Variants in NRXN1 observed in about 807,000 individuals in gnomAD.
NRXN1 encodes the protein neurexin-1.
NRXN1 carries 39 observed loss-of-function variants against 150.9 expected under a neutral mutation model. The observed-to-expected ratio is 0.26, with a 90% CI of 0.20 to 0.34. The LOEUF (loss-of-function observed/expected upper bound fraction) is 0.34, where lower values mean the gene tolerates loss of function less well. Among genes scored for constraint, NRXN1 ranks in the 10% least tolerant of loss-of-function variants. The pLI is 1.00. For missense variants in NRXN1, 1,815 were observed against 1,949.9 expected, an observed-to-expected ratio of 0.93 and a Z score of 1.30; for synonymous variants, 924 against 757.0, an observed-to-expected ratio of 1.22 and a Z score of -3.62.
chr2:50,743,565 GAA>G (rs1472792496), intron 5 of NRXN1, among the ~76,000 whole-genome samples: 1 of 152,086 alleles, frequency 6.6e-6, no homozygotes, highest in Non-Finnish European at 1.5e-5. Flanking sequence ...TTGTTTTCCA[GAA>G]ATCCAATGAG....
In NRXN1 at chr2:50,757,789, C is replaced by T. The variant is rs536603693; in HGVS notation, c.833-134174G>A. 3.3e-5 allele frequency among the ~76,000 whole-genome samples: 5 copies of T among 151,546 alleles called. 1 individual carries two copies. The South Asian group carries it at 8.3e-4, about 25-fold the overall frequency. On this transcript the variant is annotated intron_variant, in intron 5 of 22. Transcript: ENST00000401669. ...CCTCAAGAGAGGAGGTAACATTTGT[C>T]GGCCTTACAATTCTCAATATTGATG...
intron 17 of NRXN1, among the ~76,000 whole-genome samples, chr2:50,328,793 G>A (rs756613445): frequency 3.3e-5 from 5 of 152,076 alleles, no homozygotes; most frequent in African/African-American, 7.2e-5. Flanking sequence ...TTCCGTCACC[G>A]CTATAAACTT....
At chr2:50,683,574 G>A (rs1306501303) in intron 5 of NRXN1, among the ~76,000 whole-genome samples, 1 of 136,402 alleles carries the variant, frequency 7.3e-6, no homozygotes, top group Non-Finnish European at 1.5e-5. Context: ...AGACTGTGCA[G>A]TGAACCAAGA....
At chr2:50,475,091 C>A (rs143799607) in intron 15 of NRXN1, among the ~76,000 whole-genome samples, 2 of 152,168 alleles carry the variant, frequency 1.3e-5, no homozygotes, top group African/African-American at 4.8e-5. Flanking sequence ...CTACTCCTTT[C>A]ATTTGTTGAA....
chr2:50,269,112 C>T (rs959838028), intron 17 of NRXN1, among the ~76,000 whole-genome samples: 2 of 144,532 alleles, frequency 1.4e-5, no homozygotes, highest in Non-Finnish European at 2.9e-5. Flanking sequence ...CAGACTTAGA[C>T]AGGGAAAGTG....
intron 21 of NRXN1, among the ~76,000 whole-genome samples, chr2:50,009,458 C>A (rs910912897): frequency 6.6e-6 from 1 of 152,074 alleles, no homozygotes; most frequent in Admixed American, 6.6e-5. Flanking sequence ...AAGGGACACC[C>A]CACCTTGATT....
chr2:50,621,651 T>C (rs1406907189), intron 6 of NRXN1, among the ~76,000 whole-genome samples: 2 of 152,094 alleles, frequency 1.3e-5, no homozygotes, highest in African/African-American at 4.8e-5. Flanking sequence ...CCTATGCCCA[T>C]ACTTGACCCC....
chr2:51,001,235 G>GGT (rs1553477290), intron 2 of NRXN1, among the ~76,000 whole-genome samples: 3 of 99,984 alleles, frequency 3.0e-5, no homozygotes, highest in South Asian at 4.2e-4. Flanking sequence ...TCATGGGGTT[G>GGT]GGGGGGGGGG....
intron 9 of NRXN1, among the ~76,000 whole-genome samples, chr2:50,541,633 C>A (rs1008040400): frequency 6.6e-6 from 1 of 152,014 alleles, no homozygotes; most frequent in Admixed American, 6.6e-5. Flanking sequence ...CTTGAGTTTT[C>A]TGAACACGGT....
At chr2:50,038,169 A>G (rs2152574124) in intron 21 of NRXN1, among the ~76,000 whole-genome samples, 1 of 152,324 alleles carries the variant, frequency 6.6e-6, no homozygotes, top group Middle Eastern at 3.4e-3. Context: ...TACATAAAAA[A>G]TCACATCAGT....
intron 17 of NRXN1, among the ~76,000 whole-genome samples, chr2:50,336,620 A>T (rs1488065900): frequency 6.6e-6 from 1 of 152,204 alleles, no homozygotes; most frequent in Non-Finnish European, 1.5e-5. Flanking sequence ...GTAAATCATG[A>T]CTGCGCTTGC....
intron 13 of NRXN1, among the ~76,000 whole-genome samples, chr2:50,502,450 A>T: frequency 6.6e-6 from 1 of 151,800 alleles, no homozygotes; most frequent in East Asian, 1.9e-4. Flanking sequence ...AAATACACAC[A>T]CACACGCATA....
chr2:50,022,466 C>A (rs914517627), intron 21 of NRXN1, among the ~76,000 whole-genome samples: 1 of 152,088 alleles, frequency 6.6e-6, no homozygotes, highest in Non-Finnish European at 1.5e-5. Flanking sequence ...CTCTGTAAAT[C>A]AAGAATCTTT....
At chr2:50,598,727 CAT>C (rs1491262347) in intron 8 of NRXN1, among the ~76,000 whole-genome samples, 5 of 141,582 alleles carry the variant, frequency 3.5e-5, no homozygotes, top group Non-Finnish European at 7.5e-5. Context: ...TATATATACA[CAT>C]ATATATGTAT....
At chr2:50,292,542 C>A (rs13415539) in intron 17 of NRXN1, among the ~76,000 whole-genome samples, 2,768 of 152,230 alleles carry the variant, frequency 0.018, 81 homozygotes, top group African/African-American at 0.063. Context: ...GATCCATTGT[C>A]CCCACTTAAG....
At chr2:50,642,461 T>C (rs1684210826) in intron 5 of NRXN1, among the ~76,000 whole-genome samples, 1 of 151,896 alleles carries the variant, frequency 6.6e-6, no homozygotes, top group Non-Finnish European at 1.5e-5. Context: ...AGGTGAGAAA[T>C]AAAATTAATG....
chr2:50,464,424 A>G (rs1029359366), intron 17 of NRXN1: 2 of 151,942 alleles, frequency 1.3e-5, no homozygotes, highest in East Asian at 3.9e-4. Flanking sequence ...GGATTACTGT[A>G]GCTTTACCCC....
intron 22 of NRXN1, among the ~76,000 whole-genome samples, chr2:49,942,155 T>A (rs1672090455): frequency 6.6e-6 from 1 of 152,088 alleles, no homozygotes; most frequent in Admixed American, 6.5e-5. Flanking sequence ...ATGGAATGGA[T>A]GATCGTGACA....
At chr2:50,492,958 T>G (rs568904125) in intron 15 of NRXN1, among the ~76,000 whole-genome samples, 3 of 152,264 alleles carry the variant, frequency 2.0e-5, no homozygotes, top group African/African-American at 7.2e-5. Context: ...TCTCAAATGA[T>G]TACTGCCTTG....
Sources: allele counts gnomAD v4.1 joint callset (sites outside exome capture counted in the v4.1 genomes callset), GRCh38; gene constraint gnomAD v4.1.1; transcripts MANE v1.5; gene names NCBI Gene and HGNC (gene_info 2026-07-23, HGNC 2026-07-21).